RABGAP1L: variants seen among roughly 807,000 people sequenced by gnomAD.
RABGAP1L encodes rab GTPase-activating protein 1-like.
Under a neutral mutation model 137.7 loss-of-function variants are expected in RABGAP1L, and 63 were observed. The ratio of observed to expected loss-of-function variants is 0.46; its 90% CI spans 0.37 to 0.56. The LOEUF is 0.56. Ranked by LOEUF, RABGAP1L falls within the 20% of genes least tolerant of loss-of-function variation. RABGAP1L has a pLI of 0.00. For missense variants in RABGAP1L, 1,095 were observed against 1,244.0 expected (o/e 0.88, Z 1.80); for synonymous variants, 431 against 433.7 (o/e 0.99, Z 0.08).
intron 12 of RABGAP1L, among the ~76,000 whole-genome samples, chr1:174,393,690 C>T (rs1329562194): frequency 6.6e-6 from 1 of 152,040 alleles, no homozygotes; most frequent in East Asian, 1.9e-4. Context: ...TGTTGCCTAG[C>T]AATATATAAC....
In RABGAP1L at chr1:174,534,401, T is replaced by A. The variant is rs369723438; in HGVS notation, c.1711-102974T>A. Among the ~76,000 whole-genome samples, 68 of 152,202 alleles carry A rather than the reference T, an allele frequency of 4.5e-4. 1 individual carries two copies. In the South Asian group the frequency reaches 0.01, roughly 23 times the overall value. Reference sequence around the variant, plus strand: ...ATTAGTACTAAATCCTGTATACATTTTCCTATACATATGTACCTATGATGG... The same window carrying A: ...ATTAGTACTAAATCCTGTATACATTATCCTATACATATGTACCTATGATGG... On this transcript the variant is annotated intron_variant, in intron 13 of 25. Coordinates refer to ENST00000681986, the MANE Select transcript of RABGAP1L (RefSeq NM_001366446.1).
Position 174,601,084 on chromosome 1 carries a change from C to G in RABGAP1L, c.1711-36291C>G, listed in dbSNP as rs539607051. 2.9e-3 allele frequency among the ~76,000 whole-genome samples: 436 copies of G among 152,342 alleles called. 1 individual carries two copies. Among genetic ancestry groups the G allele is most frequent in the African/African-American group, 9.7e-3 (402 of 41,570 alleles). On this transcript the variant is annotated intron_variant, in intron 13 of 25. Transcript: ENST00000681986. ...CCGCAGGCTCAACACCACATGGAAG[C>G]TGCCAAGGTTTGGAGCTTCCACCCT...
At chr1:174,941,487 G>A (rs1351173659) in intron 19 of RABGAP1L, among the ~76,000 whole-genome samples, 1 of 152,174 alleles carries the variant, frequency 6.6e-6, no homozygotes, top group African/African-American at 2.4e-5. Context: ...CACATGAATT[G>A]CTCATAAGAT....
intron 18 of RABGAP1L, among the ~76,000 whole-genome samples, chr1:174,797,634 TGG>T (rs1211224750): frequency 4.8e-5 from 2 of 42,054 alleles, no homozygotes; most frequent in South Asian, 9.0e-4. Context: ...TGTGGGTGTG[TGG>T]GGGGGTGTGT....
At chr1:174,394,739 T>A (rs1200566830) in intron 13 of RABGAP1L, among the ~76,000 whole-genome samples, 1 of 152,108 alleles carries the variant, frequency 6.6e-6, no homozygotes, top group Non-Finnish European at 1.5e-5. Flanking sequence ...GTACTGTATT[T>A]TAAAATAATA....
intron 20 of RABGAP1L, among the ~76,000 whole-genome samples, chr1:174,965,626 TCAGTAG>T (rs1669550414): frequency 6.6e-6 from 1 of 152,178 alleles, no homozygotes. Flanking sequence ...AATCTCCATC[TCAGTAG>T]CAGGGTCTCA....
At chr1:174,685,918 G>A (rs888800572) in intron 15 of RABGAP1L, among the ~76,000 whole-genome samples, 5 of 152,168 alleles carry the variant, frequency 3.3e-5, no homozygotes, top group Admixed American at 1.3e-4. Flanking sequence ...ACATCTAGGT[G>A]GAGATATATG....
chr1:174,163,401 C>T (rs1418691544), intron 1 of RABGAP1L, among the ~76,000 whole-genome samples: 4 of 152,046 alleles, frequency 2.6e-5, no homozygotes, highest in Non-Finnish European at 4.4e-5. Flanking sequence ...ATTGGGTATA[C>T]GAAGTTTATG....
chr1:174,370,009 T>C (rs1358679515), intron 11 of RABGAP1L, among the ~76,000 whole-genome samples: 1 of 152,200 alleles, frequency 6.6e-6, no homozygotes. Context: ...TACATTAATG[T>C]TTTCTGATGT....
intron 13 of RABGAP1L, among the ~76,000 whole-genome samples, chr1:174,567,088 C>G (rs1194060851): frequency 6.6e-6 from 1 of 151,974 alleles, no homozygotes; most frequent in Admixed American, 6.6e-5. Context: ...AATATGTTAA[C>G]AGTGTTGTAT....
intron 23 of RABGAP1L, 101 bp from the exon 24 acceptor site, chr1:174,982,733 A>C: frequency 8.5e-7 from 1 of 1,177,872 alleles, no homozygotes; most frequent in South Asian, 1.3e-5. Context: ...TCCTTCTAGG[A>C]TCAGATGTGC....
intron 13 of RABGAP1L, among the ~76,000 whole-genome samples, chr1:174,631,471 C>G (rs1416029748): frequency 1.1e-5 from 1 of 87,958 alleles, no homozygotes; most frequent in Non-Finnish European, 2.0e-5. Context: ...TCTCATTGAT[C>G]TGTCTAATGT....
At chr1:174,713,807 C>T (rs1680778126) in intron 17 of RABGAP1L, among the ~76,000 whole-genome samples, 1 of 152,220 alleles carries the variant, frequency 6.6e-6, no homozygotes, top group Non-Finnish European at 1.5e-5. Flanking sequence ...AGTCTACCTC[C>T]AAAATAGGTC....
At chr1:174,505,183 C>G (rs1327749281) in intron 13 of RABGAP1L, among the ~76,000 whole-genome samples, 2 of 152,142 alleles carry the variant, frequency 1.3e-5, no homozygotes, top group Admixed American at 6.5e-5. Flanking sequence ...TGGGAAAGCT[C>G]TACAAGCAGA....
intron 12 of RABGAP1L, among the ~76,000 whole-genome samples, chr1:174,371,979 G>A (rs1419917838): frequency 6.6e-6 from 1 of 152,100 alleles, no homozygotes; most frequent in East Asian, 1.9e-4. Context: ...GTAAAATCTG[G>A]AGATTAGGTT....
chr1:174,339,668 G>A (rs557744755), intron 11 of RABGAP1L, among the ~76,000 whole-genome samples: 98 of 151,868 alleles, frequency 6.5e-4, no homozygotes, highest in Admixed American at 1.6e-3. Flanking sequence ...GTGCAGTGGC[G>A]TGATCTCAGC....
At chr1:174,541,547 C>CA (rs1204012205) in intron 13 of RABGAP1L, among the ~76,000 whole-genome samples, 5 of 152,164 alleles carry the variant, frequency 3.3e-5, no homozygotes, top group Admixed American at 3.3e-4. Flanking sequence ...GAGGCCAAGG[C>CA]AGGCATATCA....
At chr1:174,901,203 T>A (rs1354685674) in intron 19 of RABGAP1L, among the ~76,000 whole-genome samples, 2 of 152,258 alleles carry the variant, frequency 1.3e-5, no homozygotes, top group African/African-American at 4.8e-5. Flanking sequence ...TATTGTTTTA[T>A]CATGATTCTT....
chr1:174,862,332 T>C (rs1331084661), intron 19 of RABGAP1L, among the ~76,000 whole-genome samples: 1 of 152,026 alleles, frequency 6.6e-6, no homozygotes, highest in South Asian at 2.1e-4. Context: ...AACCCAGGGG[T>C]GTGACATACC....
Sources: allele counts gnomAD v4.1 joint callset (sites outside exome capture counted in the v4.1 genomes callset), GRCh38; gene constraint gnomAD v4.1.1; transcripts MANE v1.5; gene names NCBI Gene and HGNC (gene_info 2026-07-23, HGNC 2026-07-21).